GALNT7: variants seen among roughly 807,000 people sequenced by gnomAD.
GALNT7 encodes polypeptide N-acetylgalactosaminyltransferase 7.
A neutral mutation model predicts 82.1 loss-of-function variants in GALNT7; 60 were observed. The observed-to-expected ratio is 0.73, with a 90% CI of 0.59 to 0.91. The LOEUF (loss-of-function observed/expected upper bound fraction) is 0.91, where lower values mean the gene tolerates loss of function less well. Among genes scored for constraint, GALNT7 ranks in the 40% least tolerant of loss-of-function variants. The pLI, the probability that GALNT7 is intolerant of heterozygous loss-of-function variation, is 0.00. For synonymous variants in GALNT7, 243 were observed against 275.1 expected, an observed-to-expected ratio of 0.88 and a Z score of 1.15; for missense variants, 660 against 804.2, an observed-to-expected ratio of 0.82 and a Z score of 2.17.
intron 2 of GALNT7, among the ~76,000 whole-genome samples, chr4:173,269,023 G>T (rs967436525): frequency 6.6e-6 from 1 of 151,988 alleles, no homozygotes; most frequent in Admixed American, 6.6e-5. Flanking sequence ...ATAGTTAGTG[G>T]GCAAAATGCC....
intron 1 of GALNT7, among the ~76,000 whole-genome samples, chr4:173,245,417 A>G (rs1477157462): frequency 6.6e-6 from 1 of 152,090 alleles, no homozygotes; most frequent in Non-Finnish European, 1.5e-5. Context: ...CTAATATTCA[A>G]TTTCTTCTCT....
chr4:173,225,469 A>G (rs1733795355), intron 1 of GALNT7, among the ~76,000 whole-genome samples: 1 of 152,212 alleles, frequency 6.6e-6, no homozygotes, highest in Non-Finnish European at 1.5e-5. Flanking sequence ...AGTTCTTCAG[A>G]AGATTTTAAA....
At chr4:173,201,411 T>C (rs1241222273) in intron 1 of GALNT7, among the ~76,000 whole-genome samples, 1 of 152,152 alleles carries the variant, frequency 6.6e-6, no homozygotes, top group Non-Finnish European at 1.5e-5. Flanking sequence ...TTCCAAGTAC[T>C]TGCTGTTCTC....
At chr4:173,253,508 G>T (rs182996229) in intron 2 of GALNT7, among the ~76,000 whole-genome samples, 49 of 152,288 alleles carry the variant, frequency 3.2e-4, no homozygotes, top group African/African-American at 1.1e-3. Flanking sequence ...AGATTAGGGG[G>T]TGGAGGCCTG....
chr4:173,200,902 T>TA (rs1160902566), intron 1 of GALNT7, among the ~76,000 whole-genome samples: 3 of 152,156 alleles, frequency 2.0e-5, no homozygotes, highest in Admixed American at 2.0e-4. Flanking sequence ...AAGTTTAAAA[T>TA]AGAGAGATTT....
intron 8 of GALNT7, among the ~76,000 whole-genome samples, chr4:173,304,400 TA>T (rs534698751): frequency 0.026 from 3,688 of 144,494 alleles, 158 homozygotes; most frequent in Admixed American, 0.12. Flanking sequence ...CCCCATCTCT[TA>T]AAAAAAAAAA....
At position 173,298,241 on chromosome 4, in the gene GALNT7, G is replaced by A. The variant is rs1385110024; in HGVS notation, c.1092G>A (p.Arg364=). Residue 364 remains arginine (R), a synonymous_variant, in exon 6 of 12, where the codon CGG becomes CGA. Coordinates refer to ENST00000265000, the MANE Select transcript of GALNT7 (RefSeq NM_017423.3). ...GAWDWSMLWK[R]VPLTPQEKRL... ...GGGATTGGAGTATGCTCTGGAAACG[G>A]GTGCCTCTGACCCCTCAAGAGAAGA... 1.9e-6 allele frequency: 3 copies of A among 1,611,212 alleles called. No homozygotes were observed. Among genetic ancestry groups the A allele is most frequent in the East Asian group, 4.5e-5 (2 of 44,868 alleles).
intron 1 of GALNT7, among the ~76,000 whole-genome samples, chr4:173,178,052 T>TGTGTGCGCGC (rs563102408): frequency 7.1e-4 from 92 of 129,516 alleles, no homozygotes; most frequent in East Asian, 9.4e-4. Flanking sequence ...TGTGTGTGTG[T>TGTGTGCGCGC]GCGCGCACGC....
chr4:173,206,182 C>A (rs1305174888), intron 1 of GALNT7, among the ~76,000 whole-genome samples: 1 of 152,194 alleles, frequency 6.6e-6, no homozygotes, highest in African/African-American at 2.4e-5. Flanking sequence ...ATTTTGCCGG[C>A]AGATCCAAAG....
intron 9 of GALNT7, chr4:173,315,828 C>A (rs1434100031): frequency 6.6e-6 from 1 of 152,190 alleles, no homozygotes; most frequent in Non-Finnish European, 1.5e-5. Flanking sequence ...CTCGACATAG[C>A]CTAAATTGAA....
intron 2 of GALNT7, among the ~76,000 whole-genome samples, chr4:173,282,155 A>G (rs1736135809): frequency 6.6e-6 from 1 of 151,844 alleles, no homozygotes; most frequent in African/African-American, 2.4e-5. Context: ...TGTCTGTGCA[A>G]CTCCCCTTAT....
At chr4:173,176,129 G>A (rs1390104730) in intron 1 of GALNT7, among the ~76,000 whole-genome samples, 2 of 152,100 alleles carry the variant, frequency 1.3e-5, no homozygotes, top group African/African-American at 4.8e-5. Flanking sequence ...GACCACTCAG[G>A]GAATGTCAGG....
Position 173,299,034 on chromosome 4 carries a change from A to G in GALNT7, c.1148+737A>G, listed in dbSNP as rs1736819914. On this transcript the variant is annotated intron_variant, in intron 6 of 11. Coordinates refer to ENST00000265000, the MANE Select transcript of GALNT7 (RefSeq NM_017423.3). Reference sequence around the variant, plus strand: ...TCTGTAAAAAGTGACCCCAAATGAAATGTTTGCTCAAGTGTTAGTATAGCC... The same window carrying G: ...TCTGTAAAAAGTGACCCCAAATGAAGTGTTTGCTCAAGTGTTAGTATAGCC... Among the ~76,000 whole-genome samples, 2 of 152,174 alleles carry G rather than the reference A, an allele frequency of 1.3e-5. 1 individual carries two copies. The highest frequency in any genetic ancestry group is 1.3e-4 in the Admixed American group (2 of 15,282).
At chr4:173,182,738 T>TACACACACAC (rs35300617) in intron 1 of GALNT7, among the ~76,000 whole-genome samples, 82 of 115,790 alleles carry the variant, frequency 7.1e-4, no homozygotes, top group East Asian at 3.9e-3. Flanking sequence ...TTACTCTTAA[T>TACACACACAC]ACACACACAC....
intron 2 of GALNT7, among the ~76,000 whole-genome samples, chr4:173,279,116 G>A (rs528661735): frequency 3.3e-5 from 5 of 152,296 alleles, no homozygotes; most frequent in Admixed American, 2.0e-4. Context: ...AACAGAGACC[G>A]GGTAATTTAT....
At chr4:173,192,058 C>A (rs556544285) in intron 1 of GALNT7, among the ~76,000 whole-genome samples, 119 of 152,246 alleles carry the variant, frequency 7.8e-4, no homozygotes, top group African/African-American at 2.8e-3. Context: ...GAATTAACTT[C>A]GTGCTTGTCT....
At chr4:173,295,588 T>C (rs992188008) in intron 4 of GALNT7, 62 bp downstream of exon 4, 130 of 1,478,050 alleles carry the variant, frequency 8.8e-5, no homozygotes, top group Non-Finnish European at 1.1e-4. Flanking sequence ...ATCATACACA[T>C]TTTTAATCAT....
chr4:173,189,134 A>T (rs892039009), intron 1 of GALNT7, among the ~76,000 whole-genome samples: 6 of 152,134 alleles, frequency 3.9e-5, no homozygotes, highest in African/African-American at 1.2e-4. Context: ...TGCTCCCCAT[A>T]TTGTTTTCCA....
At chr4:173,263,349 A>G (rs143985787) in intron 2 of GALNT7, among the ~76,000 whole-genome samples, 1 of 152,340 alleles carries the variant, frequency 6.6e-6, no homozygotes, top group Non-Finnish European at 1.5e-5. Flanking sequence ...ATTTACTGGT[A>G]ATTTCAGAGA....
Sources: gnomAD v4.1 joint callset for allele counts (sites outside exome capture counted in the v4.1 genomes callset) on GRCh38, gnomAD v4.1.1 for gene constraint, MANE v1.5 for transcripts, NCBI Gene and HGNC (gene_info 2026-07-23, HGNC 2026-07-21) for gene names.